NTRK3: variants seen among roughly 807,000 people sequenced by gnomAD.
NTRK3 encodes NT-3 growth factor receptor.
NTRK3 carries 24 observed loss-of-function variants against 91.7 expected under a neutral mutation model. That is an observed-to-expected ratio of 0.26 (90% CI 0.19 to 0.37). NTRK3 has a LOEUF of 0.37. Ranked by LOEUF, NTRK3 falls within the 10% of genes least tolerant of loss-of-function variation. NTRK3 has a pLI of 1.00. For missense variants in NTRK3, 880 were observed against 1,068.9 expected (o/e 0.82, Z 2.46); for synonymous variants, 483 against 404.0 (o/e 1.20, Z -2.34).
rs148144918 is a variant in NTRK3 at position 88,089,837 on chromosome 15, G to A, written c.1396+36434C>T. ...CAGGTCTGCTCATGCCCTCCCCTGC[G>A]TTACACCCTCCACAGTCTCCCCACC... is the stretch of plus-strand genomic sequence containing the variant. On this transcript the variant is annotated intron_variant, in intron 13 of 18. Coordinates refer to ENST00000394480, the Ensembl canonical transcript of NTRK3. 1.9e-3 allele frequency among the ~76,000 whole-genome samples: 292 copies of A among 152,138 alleles called. 2 individuals are homozygous for A. The highest frequency in any genetic ancestry group is 6.5e-3 in the African/African-American group (269 of 41,506).
At chr15:88,146,999 A>G (rs1393181769) in intron 6 of NTRK3, among the ~76,000 whole-genome samples, 1 of 152,182 alleles carries the variant, frequency 6.6e-6, no homozygotes, top group African/African-American at 2.4e-5. Context: ...CTAATAGTCT[A>G]TAAAGTTATA....
chr15:88,100,633 G>A (rs2150865470), intron 13 of NTRK3, among the ~76,000 whole-genome samples: 1 of 152,332 alleles, frequency 6.6e-6, no homozygotes, highest in South Asian at 2.1e-4. Context: ...GACCTTTCAG[G>A]CAAAGGAAAC....
At chr15:88,156,822 T>C (rs1451947968) in intron 5 of NTRK3, among the ~76,000 whole-genome samples, 1 of 152,184 alleles carries the variant, frequency 6.6e-6, no homozygotes. Flanking sequence ...CAGTTTTATT[T>C]TCTTTATAGC....
chr15:87,941,472 TACACACACACACAC>T (rs10544243), intron 14 of NTRK3, among the ~76,000 whole-genome samples: 1 of 148,896 alleles, frequency 6.7e-6, no homozygotes, highest in South Asian at 2.1e-4. Flanking sequence ...CACATACACA[TACACACACACACAC>T]ACACACACAC....
chr15:87,881,987 C>T (rs1241774171), intron 17 of NTRK3, among the ~76,000 whole-genome samples: 1 of 152,186 alleles, frequency 6.6e-6, no homozygotes, highest in Non-Finnish European at 1.5e-5. Flanking sequence ...CCTCCGCTTC[C>T]TGGGTTCAAG....
intron 3 of NTRK3, among the ~76,000 whole-genome samples, chr15:88,200,610 T>C (rs1017483360): frequency 7.2e-5 from 11 of 152,212 alleles, no homozygotes; most frequent in Non-Finnish European, 1.5e-4. Flanking sequence ...GCTCAGCACT[T>C]CTCCTTCCTG....
At chr15:88,186,339 C>T (rs975228511) in intron 3 of NTRK3, among the ~76,000 whole-genome samples, 5 of 152,216 alleles carry the variant, frequency 3.3e-5, no homozygotes, top group Non-Finnish European at 7.3e-5. Flanking sequence ...AAGCCTTACC[C>T]TTCTCAGCCC....
At chr15:88,062,512 C>T (rs562714478) in intron 13 of NTRK3, among the ~76,000 whole-genome samples, 1 of 152,308 alleles carries the variant, frequency 6.6e-6, no homozygotes, top group South Asian at 2.1e-4. Context: ...CTCCTTCCCT[C>T]CTGCACATGA....
chr15:88,146,578 A>G (rs961288380), intron 6 of NTRK3, among the ~76,000 whole-genome samples: 6 of 152,130 alleles, frequency 3.9e-5, no homozygotes, highest in African/African-American at 1.4e-4. Context: ...CATCAACATG[A>G]GTTATTTTTT....
chr15:87,868,342 A>G (rs2064743220), exon 19 of NTRK3: 1 of 227,050 alleles, frequency 4.4e-6, no homozygotes, highest in South Asian at 1.8e-4. Context: ...CAGCCCAGAA[A>G]GATATCTTTC....
At chr15:88,151,261 C>T (rs1032768712) in intron 5 of NTRK3, among the ~76,000 whole-genome samples, 7 of 152,132 alleles carry the variant, frequency 4.6e-5, no homozygotes, top group African/African-American at 1.7e-4. Flanking sequence ...TAATTTTGTG[C>T]TGCAAAACTG....
chr15:88,047,344 G>T (rs2080315653), intron 13 of NTRK3, among the ~76,000 whole-genome samples: 1 of 151,872 alleles, frequency 6.6e-6, no homozygotes, highest in Admixed American at 6.6e-5. Flanking sequence ...CAGGAATATT[G>T]AACACCCAAA....
Position 87,894,451 on chromosome 15 carries a change from C to A in NTRK3, c.2134-14023G>T, listed in dbSNP as rs73452629. ...TGTGTGTGTGACAATGCATGTGCATCGTGTGTACAGTCATAGATACAGACC... is the reference window on the plus strand; with the variant it reads ...TGTGTGTGTGACAATGCATGTGCATAGTGTGTACAGTCATAGATACAGACC... On this transcript the variant is annotated intron_variant, in intron 17 of 18. Transcript: ENST00000394480. 5.6e-3 allele frequency among the ~76,000 whole-genome samples: 855 copies of A among 152,264 alleles called. 10 individuals carry two copies. The highest frequency in any genetic ancestry group is 0.019 in the African/African-American group (777 of 41,540).
intron 17 of NTRK3, among the ~76,000 whole-genome samples, chr15:87,908,269 C>A (rs902590223): frequency 5.3e-5 from 8 of 152,216 alleles, no homozygotes; most frequent in African/African-American, 1.7e-4. Flanking sequence ...CGCCACCCCC[C>A]ACCATGCTGT....
chr15:87,956,306 ACT>A (rs1487578679), intron 14 of NTRK3, among the ~76,000 whole-genome samples: 4 of 152,106 alleles, frequency 2.6e-5, no homozygotes, highest in Non-Finnish European at 5.9e-5. Flanking sequence ...AGACAGAGTC[ACT>A]CTGTCACCCA....
At chr15:87,923,436 A>C (rs957438070) in intron 17 of NTRK3, among the ~76,000 whole-genome samples, 1 of 152,232 alleles carries the variant, frequency 6.6e-6, no homozygotes, top group Non-Finnish European at 1.5e-5. Flanking sequence ...AGGACCCCAC[A>C]CAAGGAAAAG....
rs1555473200 is a variant in NTRK3, at chr15:88,033,210, A to ATATATG, written c.1397-166_1397-165insCATATA. Among the ~76,000 whole-genome samples the ATATATG allele has an allele frequency of 6.1e-4, 74 of 121,302 alleles. 2 individuals are homozygous for ATATATG. The highest frequency in any genetic ancestry group is 2.6e-3 in the African/African-American group (74 of 28,596). The allele number at this position is 121,302 out of a possible 152,430, so 79.6% of individuals were successfully genotyped here. A position where few individuals can be genotyped will look rare whatever the true frequency, so the allele number is the denominator to read the frequency against. On this transcript the variant is annotated intron_variant, in intron 13 of 18. Coordinates refer to ENST00000394480, the Ensembl canonical transcript of NTRK3. ...TATATATATATATATATATATATATATATATAAATTCAGTTGTTTGGGTTT... is the reference window on the plus strand; with the variant it reads ...TATATATATATATATATATATATATATATATGTATATAAATTCAGTTGTTTGGGTTT...
chr15:88,064,768 A>C (rs1348606384), intron 13 of NTRK3, among the ~76,000 whole-genome samples: 2 of 152,218 alleles, frequency 1.3e-5, no homozygotes, highest in Non-Finnish European at 2.9e-5. Context: ...CTGAGGTCCC[A>C]GTCCCATTCT....
At chr15:88,245,731 T>C (rs11856459) in intron 3 of NTRK3, among the ~76,000 whole-genome samples, 5,512 of 152,210 alleles carry the variant, frequency 0.036, 313 homozygotes, top group African/African-American at 0.12. Context: ...CATTGAAATC[T>C]TATAATAGTC....
Sources: allele counts gnomAD v4.1 joint callset (sites outside exome capture counted in the v4.1 genomes callset), GRCh38; gene constraint gnomAD v4.1.1; transcripts MANE v1.5; gene names NCBI Gene and HGNC (gene_info 2026-07-23, HGNC 2026-07-21).